Variants in RIMS1 observed in about 807,000 individuals in gnomAD.
RIMS1 encodes the protein regulating synaptic membrane exocytosis 1.
A neutral mutation model predicts 214.1 loss-of-function variants in RIMS1; 83 were observed. That is an observed-to-expected ratio of 0.39 (90% CI 0.32 to 0.47). The LOEUF is 0.47. RIMS1 is among the 20% of genes least tolerant of loss of function. The pLI, the probability that RIMS1 is intolerant of heterozygous loss-of-function variation, is 0.99. For synonymous variants in RIMS1, 793 were observed against 786.8 expected, an observed-to-expected ratio of 1.01 and a Z score of -0.13; for missense variants, 2,050 against 2,161.8, an observed-to-expected ratio of 0.95 and a Z score of 1.03.
At chr6:72,400,017 G>A (rs184260437) in intron 33 of RIMS1, among the ~76,000 whole-genome samples, 25 of 152,136 alleles carry the variant, frequency 1.6e-4, no homozygotes, top group African/African-American at 5.3e-4. Flanking sequence ...ACCATAATAC[G>A]AAAGAAATCA....
At chr6:72,343,078 G>T (rs2097149360) in intron 29 of RIMS1, among the ~76,000 whole-genome samples, 1 of 151,796 alleles carries the variant, frequency 6.6e-6, no homozygotes, top group Admixed American at 6.6e-5. Context: ...TGCAAGTCAT[G>T]TGGAAAGTAA....
At chr6:72,230,249 G>A (rs978522142) in intron 6 of RIMS1, among the ~76,000 whole-genome samples, 1 of 151,534 alleles carries the variant, frequency 6.6e-6, no homozygotes, top group African/African-American at 2.4e-5. Context: ...TCTTAGAATT[G>A]GTTTGAATTC....
At chr6:72,175,228 T>G (rs2047538335) in intron 4 of RIMS1, 1 of 174,380 alleles carries the variant, frequency 5.7e-6, no homozygotes, top group Admixed American at 6.1e-5. Context: ...CTATATTCAT[T>G]GAAAATTGAT....
intron 28 of RIMS1, among the ~76,000 whole-genome samples, chr6:72,324,063 GA>G (rs1192130577): frequency 1.3e-5 from 2 of 151,822 alleles, no homozygotes; most frequent in Non-Finnish European, 2.9e-5. Flanking sequence ...TAGATAGATA[GA>G]TAGATAGATA....
chr6:72,182,914 G>A lies in RIMS1; in HGVS notation c.1443G>A (p.Ala481=), dbSNP rs938785649. 2 of 1,579,960 alleles carry A rather than the reference G, an allele frequency of 1.3e-6. No individual in the cohort carries two copies. The highest frequency in any genetic ancestry group is 1.2e-5 in the South Asian group (1 of 86,180). Residue 481 remains alanine (A), a synonymous_variant, in exon 6 of 34, where the codon GCG becomes GCA. Transcript: ENST00000521978. ...RKQSRLDPSS[A]VLMRKAKREK... ...AGAGCCGCCTGGACCCCAGCTCGGC[G>A]GTCCTCATGCGGAAGGCCAAGCGCG...
intron 24 of RIMS1, among the ~76,000 whole-genome samples, chr6:72,287,030 A>G (rs1425430987): frequency 1.3e-5 from 2 of 152,236 alleles, no homozygotes; most frequent in Non-Finnish European, 2.9e-5. Flanking sequence ...GCTTCTTGAT[A>G]AGATAAAAGT....
In RIMS1 at chr6:72,054,607, A is replaced by G. The variant is rs1195906192; in HGVS notation, c.246-42342A>G. Among the ~76,000 whole-genome samples the G allele has an allele frequency of 4.6e-5, 7 of 152,154 alleles. No individual in the cohort carries two copies. In the East Asian group the frequency reaches 1.4e-3, roughly 29 times the overall value. ...ACATCTATTGTTTCTTGACTTTTTA[A>G]TAATTGCCATTCTGACTGGCATGAG... On this transcript the variant is annotated intron_variant, in intron 2 of 33. Transcript: ENST00000521978.
chr6:72,030,943 T>C (rs1253767954), intron 2 of RIMS1, among the ~76,000 whole-genome samples: 4 of 152,184 alleles, frequency 2.6e-5, no homozygotes, highest in Admixed American at 1.3e-4. Context: ...ATACTTTCTA[T>C]GGATTTTTAA....
intron 26 of RIMS1, among the ~76,000 whole-genome samples, chr6:72,303,683 T>TA (rs1288101275): frequency 2.6e-5 from 4 of 151,438 alleles, no homozygotes; most frequent in African/African-American, 7.2e-5. Context: ...AGATTAATAT[T>TA]AAAAAAGCCA....
chr6:72,102,616 T>C (rs1343034363), intron 4 of RIMS1, among the ~76,000 whole-genome samples: 3 of 152,000 alleles, frequency 2.0e-5, no homozygotes, highest in African/African-American at 4.8e-5. Context: ...AAGGTGGGAA[T>C]TGGCTTGGAT....
At chr6:72,105,952 A>G (rs1587073260) in intron 4 of RIMS1, among the ~76,000 whole-genome samples, 1 of 152,180 alleles carries the variant, frequency 6.6e-6, no homozygotes, top group East Asian at 1.9e-4. Flanking sequence ...TTTGGAAAAT[A>G]TGTTCTAAAT....
At chr6:72,291,859 A>G in intron 25 of RIMS1, 75 bp from the exon 26 acceptor site, 1 of 1,084,672 alleles carries the variant, frequency 9.2e-7, no homozygotes, top group East Asian at 2.6e-5. Context: ...TAATCGTAAC[A>G]GAAAGGAGGA....
At chr6:71,902,763 T>C (rs762267212) in intron 1 of RIMS1, among the ~76,000 whole-genome samples, 8 of 152,130 alleles carry the variant, frequency 5.3e-5, no homozygotes, top group Non-Finnish European at 1.2e-4. Flanking sequence ...CACTTATAAG[T>C]GAAAACATGT....
At chr6:72,273,021 A>AT (rs745917443) in intron 22 of RIMS1, among the ~76,000 whole-genome samples, 110 of 152,268 alleles carry the variant, frequency 7.2e-4, no homozygotes, top group Middle Eastern at 6.8e-3. Flanking sequence ...TGTTCCACAC[A>AT]TTTTTATCTT....
rs147535998 is a variant in RIMS1 at position 72,180,333 on chromosome 6, A to G, written c.812+418A>G. On this transcript the variant is annotated intron_variant, in intron 5 of 33. Coordinates refer to ENST00000521978, the MANE Select transcript of RIMS1 (RefSeq NM_014989.7). Reference sequence around the variant, plus strand: ...CTTTAAGGGTATTTCTTTTATGCTGAGCTCTAAAGAGTGACTTTGAAATTA... The same window carrying G: ...CTTTAAGGGTATTTCTTTTATGCTGGGCTCTAAAGAGTGACTTTGAAATTA... Among the ~76,000 whole-genome samples the G allele has an allele frequency of 1.6e-3, 241 of 152,334 alleles. 2 individuals carry two copies. Among genetic ancestry groups the G allele is most frequent in the African/African-American group, 5.7e-3 (237 of 41,582 alleles).
chr6:72,001,267 C>T (rs1272112915), intron 2 of RIMS1, among the ~76,000 whole-genome samples: 1 of 152,148 alleles, frequency 6.6e-6, no homozygotes, highest in Non-Finnish European at 1.5e-5. Flanking sequence ...CATCCTCATG[C>T]ATTCTTACAC....
intron 2 of RIMS1, among the ~76,000 whole-genome samples, chr6:72,075,722 T>C (rs1231790733): frequency 6.6e-6 from 1 of 152,186 alleles, no homozygotes; most frequent in African/African-American, 2.4e-5. Flanking sequence ...GGTCTCTAAA[T>C]AACACAAAAG....
chr6:72,089,964 G>C (rs544419538), intron 2 of RIMS1, among the ~76,000 whole-genome samples: 31 of 139,486 alleles, frequency 2.2e-4, no homozygotes, highest in African/African-American at 7.4e-4. Flanking sequence ...GGTGGGAATT[G>C]AACAATGAGA....
At chr6:72,008,630 T>G (rs1034672359) in intron 2 of RIMS1, among the ~76,000 whole-genome samples, 2 of 152,002 alleles carry the variant, frequency 1.3e-5, no homozygotes, top group African/African-American at 4.8e-5. Flanking sequence ...TGGAGGAAGA[T>G]CTACCAAGCA....
Sources: gnomAD v4.1 joint callset for allele counts (sites outside exome capture counted in the v4.1 genomes callset) on GRCh38, gnomAD v4.1.1 for gene constraint, MANE v1.5 for transcripts, NCBI Gene and HGNC (gene_info 2026-07-23, HGNC 2026-07-21) for gene names.